Variants in BNC2 observed in about 807,000 individuals in gnomAD.
BNC2 encodes the protein basonuclin zinc finger protein 2, also known as zinc finger protein basonuclin-2.
Under a neutral mutation model 76.3 loss-of-function variants are expected in BNC2, and 20 were observed. The observed-to-expected ratio is 0.26, with a 90% CI of 0.18 to 0.38. BNC2 has a LOEUF of 0.38. Among genes scored for constraint, BNC2 ranks in the 10% least tolerant of loss-of-function variants. BNC2 has a pLI of 1.00. For missense variants in BNC2, 1,382 were observed against 1,399.8 expected, an observed-to-expected ratio of 0.99 and a Z score of 0.20; for synonymous variants, 582 against 514.8, an observed-to-expected ratio of 1.13 and a Z score of -1.77.
intron 1 of BNC2, among the ~76,000 whole-genome samples, chr9:16,833,799 T>C (rs10962630): frequency 0.38 from 58,115 of 152,028 alleles, 14,754 homozygotes; most frequent in Non-Finnish European, 0.57. Flanking sequence ...CCTCATTTCA[T>C]TTAGAGTAGT....
chr9:16,790,200 T>A (rs1817465958), intron 1 of BNC2, among the ~76,000 whole-genome samples: 1 of 152,138 alleles, frequency 6.6e-6, no homozygotes, highest in South Asian at 2.1e-4. Context: ...GGTTTCACCA[T>A]GTTAGCCAGG....
chr9:16,625,854 G>A (rs1192854018), intron 3 of BNC2: 1 of 152,236 alleles, frequency 6.6e-6, no homozygotes, highest in African/African-American at 2.4e-5. Context: ...ATGATCTCTA[G>A]TATGAGGACC....
intron 5 of BNC2, among the ~76,000 whole-genome samples, chr9:16,512,047 T>C (rs1174320964): frequency 6.6e-6 from 1 of 152,234 alleles, no homozygotes; most frequent in Non-Finnish European, 1.5e-5. Flanking sequence ...ATCAAGCGAT[T>C]AATCTATTGA....
At chr9:16,824,695 C>A (rs2135970878) in intron 1 of BNC2, among the ~76,000 whole-genome samples, 1 of 152,286 alleles carries the variant, frequency 6.6e-6, no homozygotes, top group Non-Finnish European at 1.5e-5. Flanking sequence ...GGCACCACAC[C>A]TCTGCCTCGA....
chr9:16,865,256 T>C (rs1184550553), intron 1 of BNC2, among the ~76,000 whole-genome samples: 17 of 152,100 alleles, frequency 1.1e-4, no homozygotes, highest in Admixed American at 1.1e-3. Context: ...CTTGATGCTA[T>C]TCCCACTGGT....
intron 3 of BNC2, among the ~76,000 whole-genome samples, chr9:16,663,267 T>G (rs940514799): frequency 6.6e-6 from 1 of 151,638 alleles, no homozygotes; most frequent in Admixed American, 6.6e-5. Context: ...GTAGCTGGGC[T>G]GATTACAGGC....
chr9:16,631,109 T>G lies in BNC2; in HGVS notation c.331-48024A>C, dbSNP rs547998613. On this transcript the variant is annotated intron_variant, in intron 3 of 6. Transcript: ENST00000380672. ...TTTAAAACTACATTTATGGGGTACG[T>G]GTGTGTTCTCTATAAAATCTCAAGA... 2.0e-5 allele frequency among the ~76,000 whole-genome samples: 3 copies of G among 152,268 alleles called. No homozygotes were observed. The East Asian group carries it at 5.8e-4, about 29-fold the overall frequency.
chr9:16,819,917 G>A (rs1818277477), intron 1 of BNC2, among the ~76,000 whole-genome samples: 1 of 151,802 alleles, frequency 6.6e-6, no homozygotes, highest in African/African-American at 2.4e-5. Context: ...TTCAGGTCAG[G>A]AGTTCAAGTC....
intron 4 of BNC2, chr9:16,579,845 T>C (rs1819583122): frequency 2.9e-6 from 1 of 343,628 alleles, no homozygotes; most frequent in South Asian, 1.5e-4. Context: ...TTTCTAAAAA[T>C]CTGTTTTAGA....
At chr9:16,836,311 G>GT (rs987133177) in intron 1 of BNC2, among the ~76,000 whole-genome samples, 2 of 151,980 alleles carry the variant, frequency 1.3e-5, no homozygotes, top group Admixed American at 6.6e-5. Flanking sequence ...ATCAGAGGTC[G>GT]TTTTTTTAGG....
At chr9:16,633,386 G>A (rs544908115) in intron 3 of BNC2, among the ~76,000 whole-genome samples, 1 of 152,276 alleles carries the variant, frequency 6.6e-6, no homozygotes, top group South Asian at 2.1e-4. Context: ...TCTTACTCCA[G>A]CTAAACTTCA....
chr9:16,822,156 C>G (rs1586911820), intron 1 of BNC2, among the ~76,000 whole-genome samples: 1 of 148,650 alleles, frequency 6.7e-6, no homozygotes. Flanking sequence ...CCCAGCTACT[C>G]AGGAAGCTGA....
At chr9:16,680,496 C>T (rs905688659) in intron 3 of BNC2, among the ~76,000 whole-genome samples, 3 of 151,154 alleles carry the variant, frequency 2.0e-5, no homozygotes, top group African/African-American at 7.3e-5. Flanking sequence ...AATCCAATTC[C>T]ACAAGTCTAA....
chr9:16,813,400 G>A (rs1160183336), intron 1 of BNC2, among the ~76,000 whole-genome samples: 7 of 151,448 alleles, frequency 4.6e-5, no homozygotes, highest in African/African-American at 1.5e-4. Flanking sequence ...CGAGTAGCTG[G>A]GACTACAGGC....
chr9:16,866,076 T>C (rs1254674089), intron 1 of BNC2, among the ~76,000 whole-genome samples: 1 of 152,168 alleles, frequency 6.6e-6, no homozygotes, highest in African/African-American at 2.4e-5. Context: ...ATAAATATGT[T>C]TGTCTAAAGT....
intron 1 of BNC2, among the ~76,000 whole-genome samples, chr9:16,779,193 A>C (rs1826056005): frequency 6.6e-6 from 1 of 150,960 alleles, no homozygotes; most frequent in South Asian, 2.1e-4. Flanking sequence ...AATTCCAGCT[A>C]CTAAGGAGGC....
chr9:16,730,232 C>T (rs1824466851), intron 2 of BNC2, among the ~76,000 whole-genome samples: 1 of 152,138 alleles, frequency 6.6e-6, no homozygotes, highest in African/African-American at 2.4e-5. Flanking sequence ...CATGTCAAAG[C>T]CGATATAATT....
chr9:16,518,601 T>TTGTTG (rs1479367183), intron 5 of BNC2, among the ~76,000 whole-genome samples: 4 of 72,460 alleles, frequency 5.5e-5, no homozygotes, highest in Non-Finnish European at 3.0e-5. Flanking sequence ...GTTGTTGTTG[T>TTGTTG]TTGTTTGTTT....
At chr9:16,519,597 G>C (rs1000685339) in intron 5 of BNC2, among the ~76,000 whole-genome samples, 1 of 152,158 alleles carries the variant, frequency 6.6e-6, no homozygotes, top group Non-Finnish European at 1.5e-5. Flanking sequence ...AGGTTAGACG[G>C]AAAGGCTGTC....
Sources: gnomAD v4.1 joint callset for allele counts (sites outside exome capture counted in the v4.1 genomes callset) on GRCh38, gnomAD v4.1.1 for gene constraint, MANE v1.5 for transcripts, NCBI Gene and HGNC (gene_info 2026-07-23, HGNC 2026-07-21) for gene names.